GPC6: variants seen among roughly 807,000 people sequenced by gnomAD.
GPC6 encodes glypican-6.
GPC6 carries 14 observed loss-of-function variants against 55.2 expected under a neutral mutation model. The observed-to-expected ratio is 0.25, with a 90% CI of 0.17 to 0.40. The LOEUF (loss-of-function observed/expected upper bound fraction) is 0.40, where lower values mean the gene tolerates loss of function less well. Among genes scored for constraint, GPC6 ranks in the 10% least tolerant of loss-of-function variants. The pLI is 1.00. For synonymous variants in GPC6, 278 were observed against 259.6 expected (o/e 1.07, Z -0.68); for missense variants, 641 against 708.5 (o/e 0.90, Z 1.08).
the GPC6 span, among the ~76,000 whole-genome samples, chr13:93,218,305 CAAT>C: frequency 1.3e-5 from 2 of 152,082 alleles, no homozygotes; most frequent in African/African-American, 2.4e-5. Context: ...AAGTAAAAAA[CAAT>C]GATGTGTTAT....
At chr13:93,276,458 C>CAGAGAGAGAGAGAGAG (rs144297308) in intron 1 of GPC6, among the ~76,000 whole-genome samples, 3 of 117,458 alleles carry the variant, frequency 2.6e-5, no homozygotes, top group African/African-American at 9.8e-5. Context: ...CTGGCCTTTT[C>CAGAGAGAGAGAGAGAG]AGAGAGAGAG....
intron 1 of GPC6, among the ~76,000 whole-genome samples, chr13:93,443,769 A>G (rs2139292146): frequency 6.6e-6 from 1 of 152,342 alleles, no homozygotes; most frequent in Non-Finnish European, 1.5e-5. Flanking sequence ...CTAGGACTGA[A>G]GATTGGGCCT....
chr13:93,286,362 CCTT>C (rs1357771191), intron 1 of GPC6, among the ~76,000 whole-genome samples: 1 of 152,150 alleles, frequency 6.6e-6, no homozygotes, highest in Admixed American at 6.5e-5. Flanking sequence ...CAAGATCAGT[CCTT>C]ATGCTAACAA....
chr13:93,415,105 A>T (rs1310043877), intron 1 of GPC6, among the ~76,000 whole-genome samples: 1 of 152,138 alleles, frequency 6.6e-6, no homozygotes, highest in Non-Finnish European at 1.5e-5. Context: ...CTGCATTCAA[A>T]TTCTGGCTCT....
chr13:94,065,902 C>G (rs975985604), intron 4 of GPC6, among the ~76,000 whole-genome samples: 4 of 152,206 alleles, frequency 2.6e-5, no homozygotes, highest in Non-Finnish European at 5.9e-5. Context: ...GTCTTCCAGA[C>G]AGCCTGAATT....
chr13:94,041,120 G>A (rs775170044), intron 4 of GPC6, among the ~76,000 whole-genome samples: 119 of 151,968 alleles, frequency 7.8e-4, no homozygotes, highest in African/African-American at 2.7e-3. Flanking sequence ...CCTTTAAAAT[G>A]TAAGAAAAGT....
At chr13:93,994,366 ATTAAT>A (rs1464680725) in intron 3 of GPC6, among the ~76,000 whole-genome samples, 2 of 152,184 alleles carry the variant, frequency 1.3e-5, no homozygotes, top group African/African-American at 2.4e-5. Context: ...ATCTCAACTA[ATTAAT>A]TTAATATTTC....
In GPC6 at chr13:93,852,194, C is replaced by G. The variant is rs571860837; in HGVS notation, c.711+21649C>G. The stretch of plus-strand genomic sequence containing the variant: ...TTATATCTACTCTAGTCTCATTACA[C>G]TGCTAGGCATTGGCAAACAAAGGAA... On this transcript the variant is annotated intron_variant, in intron 3 of 8. Transcript: ENST00000377047. Among the ~76,000 whole-genome samples, 2 of 151,732 alleles carry G rather than the reference C, an allele frequency of 1.3e-5. 1 individual carries two copies. The highest frequency in any genetic ancestry group is 4.1e-4 in the South Asian group (2 of 4,820).
At chr13:94,198,439 A>G (rs1451281131) in intron 4 of GPC6, among the ~76,000 whole-genome samples, 1 of 152,236 alleles carries the variant, frequency 6.6e-6, no homozygotes, top group Non-Finnish European at 1.5e-5. Flanking sequence ...TAAAATTAGC[A>G]AACAGATCTC....
At chr13:93,704,398 C>G (rs1339047593) in intron 2 of GPC6, among the ~76,000 whole-genome samples, 1 of 151,938 alleles carries the variant, frequency 6.6e-6, no homozygotes, top group African/African-American at 2.4e-5. Context: ...ATCACGTTGT[C>G]ATGAACTAAA....
chr13:93,710,708 A>G (rs555646920), intron 2 of GPC6, among the ~76,000 whole-genome samples: 6 of 139,876 alleles, frequency 4.3e-5, no homozygotes, highest in Admixed American at 2.8e-4. Context: ...CAAAAAAAAT[A>G]TGGTCTGTAT....
At chr13:94,400,574 T>C (rs1475235651) in intron 8 of GPC6, among the ~76,000 whole-genome samples, 3 of 152,200 alleles carry the variant, frequency 2.0e-5, no homozygotes, top group Non-Finnish European at 4.4e-5. Flanking sequence ...TGATCTTATC[T>C]GGTATTTAGA....
At chr13:93,355,374 A>G (rs1380947644) in intron 1 of GPC6, among the ~76,000 whole-genome samples, 2 of 152,306 alleles carry the variant, frequency 1.3e-5, no homozygotes, top group African/African-American at 4.8e-5. Flanking sequence ...TGATAGATTC[A>G]AAAAGAGGGC....
chr13:93,861,236 T>G (rs542269387), intron 3 of GPC6, among the ~76,000 whole-genome samples: 1 of 151,442 alleles, frequency 6.6e-6, no homozygotes, highest in South Asian at 2.1e-4. Flanking sequence ...AAAAAAGAAC[T>G]CTTTTGTATA....
chr13:94,000,444 A>G (rs899500361), intron 3 of GPC6, among the ~76,000 whole-genome samples: 3 of 152,194 alleles, frequency 2.0e-5, no homozygotes, highest in Non-Finnish European at 4.4e-5. Context: ...CTTTCTGTAC[A>G]AAACTATGGC....
intron 1 of GPC6, among the ~76,000 whole-genome samples, chr13:93,467,371 A>G (rs549875593): frequency 1.3e-5 from 2 of 152,258 alleles, no homozygotes; most frequent in East Asian, 3.9e-4. Context: ...AATGGTATGC[A>G]CCAGGAGGGT....
At chr13:93,536,351 C>T (rs1882061923) in intron 1 of GPC6, among the ~76,000 whole-genome samples, 1 of 152,082 alleles carries the variant, frequency 6.6e-6, no homozygotes, top group South Asian at 2.1e-4. Flanking sequence ...TTTTCATCTT[C>T]CCAGCCTGAA....
intron 1 of GPC6, among the ~76,000 whole-genome samples, chr13:93,476,774 C>G (rs757113823): frequency 6.6e-6 from 1 of 151,912 alleles, no homozygotes; most frequent in Admixed American, 6.6e-5. Flanking sequence ...GATGGCAGAC[C>G]TTTTATTTTG....
At chr13:93,308,299 G>T (rs1229727375) in intron 1 of GPC6, among the ~76,000 whole-genome samples, 2 of 152,056 alleles carry the variant, frequency 1.3e-5, no homozygotes, top group South Asian at 2.1e-4. Flanking sequence ...AAGAAAAATG[G>T]TTATTGTTAG....
Sources: gnomAD v4.1 joint callset for allele counts (sites outside exome capture counted in the v4.1 genomes callset) on GRCh38, gnomAD v4.1.1 for gene constraint, MANE v1.5 for transcripts, NCBI Gene and HGNC (gene_info 2026-07-23, HGNC 2026-07-21) for gene names.